Variants in IL1RAPL1 observed in about 807,000 individuals in gnomAD.
IL1RAPL1 encodes the protein interleukin 1 receptor accessory protein like 1, also known as interleukin-1 receptor accessory protein-like 1.
In IL1RAPL1, 3 loss-of-function variants were observed where a neutral mutation model predicts 48.4. That is an observed-to-expected ratio of 0.06 (90% CI 0.03 to 0.16). The LOEUF (loss-of-function observed/expected upper bound fraction) is 0.16. Ranked by LOEUF, IL1RAPL1 falls within the 10% of genes least tolerant of loss-of-function variation. The pLI is 1.00. For missense variants in IL1RAPL1, 349 were observed against 530.6 expected (o/e 0.66, Z 3.36); for synonymous variants, 185 against 187.7 (o/e 0.99, Z 0.12).
At chrX:29,298,648 GA>G (rs1224147330) in intron 3 of IL1RAPL1, among the ~76,000 whole-genome samples, 3 of 111,344 alleles carry the variant, frequency 2.7e-5, no homozygotes, top group African/African-American at 9.8e-5. Context: ...ATATTACTTT[GA>G]AAACTCAAGG....
chrX:29,240,851 C>A (rs1931410205), intron 2 of IL1RAPL1, among the ~76,000 whole-genome samples: 1 of 112,052 alleles, frequency 8.9e-6, no homozygotes, highest in Non-Finnish European at 1.9e-5. Flanking sequence ...GAATGATACT[C>A]CAGATTTTAA....
intron 5 of IL1RAPL1, among the ~76,000 whole-genome samples, chrX:29,642,232 A>C (rs1254138757): frequency 8.9e-6 from 1 of 112,223 alleles, no homozygotes; most frequent in Non-Finnish European, 1.9e-5. Flanking sequence ...ATGAGTGAGA[A>C]GTGAGGCATC....
chrX:29,893,391 G>A (rs778397381), intron 6 of IL1RAPL1, among the ~76,000 whole-genome samples: 2 of 111,110 alleles, frequency 1.8e-5, no homozygotes, highest in East Asian at 5.6e-4. Flanking sequence ...TTGTTGACTG[G>A]AGCACCAAAA....
intron 2 of IL1RAPL1, among the ~76,000 whole-genome samples, chrX:28,893,991 A>T (rs5943469): frequency 9.0e-6 from 1 of 110,847 alleles, no homozygotes; most frequent in Non-Finnish European, 1.9e-5. Flanking sequence ...CCTTATCAGC[A>T]TAAGCGTTGC....
chrX:28,886,014 A>G (rs1285533659), intron 2 of IL1RAPL1, among the ~76,000 whole-genome samples: 1 of 110,957 alleles, frequency 9.0e-6, no homozygotes, highest in African/African-American at 3.3e-5. Context: ...TTGCCACTTT[A>G]TAACTTTTTC....
In IL1RAPL1 at chrX:29,518,680, T is replaced by C. The variant is rs1196417437; in HGVS notation, c.703+119372T>C. Among the ~76,000 whole-genome samples the C allele has an allele frequency of 3.6e-5, 4 of 110,849 alleles. No individual in the cohort carries two copies. In the Admixed American group the frequency reaches 3.8e-4, roughly 11 times the overall value. On this transcript the variant is annotated intron_variant, in intron 5 of 10. Coordinates refer to ENST00000378993, the MANE Select transcript of IL1RAPL1 (RefSeq NM_014271.4). The stretch of plus-strand genomic sequence containing the variant: ...CATGAATGAGAAGAGTAGTAGTAGA[T>C]CGGATTTGAGAGACAGTGGGAATAA...
At chrX:28,608,672 A>C (rs778308617) in intron 1 of IL1RAPL1, among the ~76,000 whole-genome samples, 1 of 111,887 alleles carries the variant, frequency 8.9e-6, no homozygotes, top group East Asian at 2.8e-4. Context: ...CAGGCAGAAC[A>C]CCAGTGGTCA....
intron 2 of IL1RAPL1, among the ~76,000 whole-genome samples, chrX:28,857,351 AGAT>A (rs1921830464): frequency 8.9e-6 from 1 of 112,225 alleles, no homozygotes; most frequent in East Asian, 2.8e-4. Context: ...ACTAAACAAT[AGAT>A]TTTTGGTGTA....
rs1329095153 is a variant in IL1RAPL1, at chrX:28,587,752, C to T, written c.-320C>T. 1.3e-5 allele frequency: 1 copy of T among 75,192 alleles called. No homozygotes were observed. Among genetic ancestry groups the T allele is most frequent in the Non-Finnish European group, 2.4e-5 (1 of 41,278 alleles). The allele number at this position is 75,192 out of a possible 1,213,427, so 6.2% of individuals were successfully genotyped here. A position where few individuals can be genotyped will look rare whatever the true frequency, so the allele number is the denominator to read the frequency against. On this transcript the variant is annotated 5_prime_UTR_variant, in exon 1 of 11. Coordinates refer to ENST00000378993, the MANE Select transcript of IL1RAPL1 (RefSeq NM_014271.4). ...TTCTATCTGCCTCTTCATTTTTCTC[C>T]TAGTCTGTTTTTTTTTTTCCTGCTC...
intron 2 of IL1RAPL1, among the ~76,000 whole-genome samples, chrX:28,957,121 T>C (rs1409418041): frequency 9.0e-6 from 1 of 111,268 alleles, no homozygotes; most frequent in African/African-American, 3.3e-5. Context: ...CCCTTTATCA[T>C]TTTTTATTGT....
chrX:29,881,493 C>T (rs1400108241), intron 6 of IL1RAPL1, among the ~76,000 whole-genome samples: 6 of 110,831 alleles, frequency 5.4e-5, no homozygotes, highest in African/African-American at 9.8e-5. Context: ...ATGTCATCCC[C>T]GCACCCCCCT....
chrX:28,766,669 C>T (rs1295411580), intron 1 of IL1RAPL1, among the ~76,000 whole-genome samples: 1 of 110,396 alleles, frequency 9.1e-6, no homozygotes, highest in Non-Finnish European at 1.9e-5. Flanking sequence ...ATTAACCATC[C>T]TCCTCTCCTC....
intron 6 of IL1RAPL1, among the ~76,000 whole-genome samples, chrX:29,683,603 T>A (rs759656564): frequency 1.8e-5 from 2 of 112,657 alleles, no homozygotes; most frequent in Non-Finnish European, 3.7e-5. Flanking sequence ...GTGACACTTC[T>A]ATACATTAGT....
chrX:29,674,247 T>C (rs1926214904), intron 6 of IL1RAPL1, among the ~76,000 whole-genome samples: 1 of 111,141 alleles, frequency 9.0e-6, no homozygotes, highest in African/African-American at 3.3e-5. Flanking sequence ...GTCAATATAG[T>C]GAGACCTCAT....
intron 1 of IL1RAPL1, among the ~76,000 whole-genome samples, chrX:28,683,433 A>G (rs1398683114): frequency 9.0e-6 from 1 of 111,537 alleles, no homozygotes; most frequent in African/African-American, 3.3e-5. Flanking sequence ...CTTAATTATA[A>G]TATTTTTGAA....
At chrX:29,117,201 C>T (rs758986796) in intron 2 of IL1RAPL1, among the ~76,000 whole-genome samples, 1 of 111,713 alleles carries the variant, frequency 9.0e-6, no homozygotes, top group African/African-American at 3.2e-5. Flanking sequence ...CACTGAAATG[C>T]AAACAAGACT....
chrX:29,810,863 A>G (rs1221165668), intron 6 of IL1RAPL1, among the ~76,000 whole-genome samples: 1 of 111,978 alleles, frequency 8.9e-6, no homozygotes, highest in Non-Finnish European at 1.9e-5. Flanking sequence ...TCTGCTTAAC[A>G]ATTTTACATA....
At chrX:29,647,220 C>T (rs184620826) in intron 5 of IL1RAPL1, among the ~76,000 whole-genome samples, 31 of 110,014 alleles carry the variant, frequency 2.8e-4, no homozygotes, top group Non-Finnish European at 4.2e-4. Flanking sequence ...CGTGGTGGCA[C>T]GCGACTGTAG....
At chrX:28,914,589 CT>C (rs967511970) in intron 2 of IL1RAPL1, among the ~76,000 whole-genome samples, 9 of 110,415 alleles carry the variant, frequency 8.2e-5, no homozygotes, top group Admixed American at 3.9e-4. Context: ...ACATTTGAAC[CT>C]TTTTTTTTGT....
Sources: gnomAD v4.1 joint callset for allele counts (sites outside exome capture counted in the v4.1 genomes callset) on GRCh38, gnomAD v4.1.1 for gene constraint, MANE v1.5 for transcripts, NCBI Gene and HGNC (gene_info 2026-07-23, HGNC 2026-07-21) for gene names.